SEMA6C: variants seen among roughly 807,000 people sequenced by gnomAD.
SEMA6C encodes the protein semaphorin-6C.
Under a neutral mutation model 72.9 loss-of-function variants are expected in SEMA6C, and 37 were observed. The observed-to-expected ratio is 0.51, with a 90% CI of 0.39 to 0.67. The LOEUF is 0.67. Ranked by LOEUF, SEMA6C falls within the 30% of genes least tolerant of loss-of-function variation. The pLI is 0.00. For missense variants in SEMA6C, 1,189 were observed against 1,263.6 expected, an observed-to-expected ratio of 0.94 and a Z score of 0.89; for synonymous variants, 578 against 554.1, an observed-to-expected ratio of 1.04 and a Z score of -0.61.
In SEMA6C at chr1:151,142,571, GAGCAGC is replaced by G; in HGVS notation, c.45_50del (p.Leu16_Leu17del). On this transcript the variant is annotated inframe_deletion, in exon 3 of 19. Coordinates refer to ENST00000368914, the MANE Select transcript of SEMA6C (RefSeq NM_030913.6). ...AGGCGGCCTGAGTATGGGGAAGTGA[GAGCAGC>G]AGCAGCAGTAGCAGCAAGGGCATGA... 1.9e-6 allele frequency: 3 copies of G among 1,609,040 alleles called. No individual in the cohort carries two copies. Among genetic ancestry groups the G allele is most frequent in the Non-Finnish European group, 8.5e-7 (1 of 1,177,316 alleles).
rs765022445 is a variant in SEMA6C at position 151,139,416 on chromosome 1, A to C, written c.354+9T>G. The stretch of plus-strand genomic sequence containing the variant: ...CTCCTTCCCTCCACATTCTCGTCTC[A>C]CTCCTTACCGTCAGCTTTCCCCGTA... On this transcript the variant is annotated intron_variant, in intron 6 of 18. Transcript: ENST00000368914. The C allele has an allele frequency of 4.3e-6, 7 of 1,612,334 alleles. No homozygotes were observed. The highest frequency in any genetic ancestry group is 5.9e-6 in the Non-Finnish European group (7 of 1,178,490).
chr1:151,135,132 C>T (rs1681910418), intron 15 of SEMA6C, 31 bp downstream of exon 15: 1 of 1,607,740 alleles, frequency 6.2e-7, no homozygotes, highest in East Asian at 2.2e-5. Context: ...GGAGCTTGCC[C>T]ACACAGGGCC....
chr1:151,133,062 G>A lies in SEMA6C; in HGVS notation c.2215C>T (p.His739Tyr), dbSNP rs766034148. The A allele has an allele frequency of 2.7e-6, 4 of 1,465,132 alleles. No homozygotes were observed. The East Asian group carries it at 8.7e-5, about 32-fold the overall frequency. The allele number at this position is 1,465,132 out of a possible 1,614,324, so 90.8% of individuals were successfully genotyped here. ...KEGPGRSRGG[H>Y]AAGGPAPRVL... Reference sequence around the variant, plus strand: ...CGGGGCGCGGGCCCGCCCGCCGCGTGCCCGCCCCGTGAGCGGCCCGGACCC... The same window carrying A: ...CGGGGCGCGGGCCCGCCCGCCGCGTACCCGCCCCGTGAGCGGCCCGGACCC... Residue 739 changes from histidine to tyrosine, a missense_variant, in exon 19 of 19, where the codon CAC (histidine) becomes TAC (tyrosine). Transcript: ENST00000368914. The surrounding 1 kb of genome is among the most constrained non-coding windows in gnomAD (Gnocchi z 5.9).
rs1681701339 is a variant in SEMA6C at position 151,133,086 on chromosome 1, C to G, written c.2191G>C (p.Gly731Arg). The change falls in exon 19 of 19, where the codon GGT (glycine) becomes CGT (arginine). Residue 731 changes from glycine (G) to arginine (R), a missense_variant. This residue lies in a region of SEMA6C where 721 missense variants were observed against 686.2 expected (regional missense o/e 1.05). Transcript: ENST00000368914. The surrounding 1 kb of genome is among the most constrained non-coding windows in gnomAD (Gnocchi z 5.9). ...WNQNRNNAKE[G>R]PGRSRGGHAA... The stretch of plus-strand genomic sequence containing the variant: ...TGCCCGCCCCGTGAGCGGCCCGGAC[C>G]CTCCTTGGCGTTGTTCCTGTTCTGG... The G allele has an allele frequency of 6.5e-7, 1 of 1,548,524 alleles. No homozygotes were observed. The highest frequency in any genetic ancestry group is 8.6e-7 in the Non-Finnish European group (1 of 1,159,622).
chr1:151,135,376 G>A, intron 14 of SEMA6C, 67 bp from the exon 15 acceptor site: 1 of 1,564,872 alleles, frequency 6.4e-7, no homozygotes, highest in Non-Finnish European at 8.6e-7. Flanking sequence ...GTGAGTGGAA[G>A]AACAGAAAGC....
At position 151,133,389 on chromosome 1, in the gene SEMA6C, G is replaced by T; in HGVS notation, c.1888C>A (p.Arg630Ser). The change falls in exon 19 of 19, where the codon CGC (arginine) becomes AGC (serine). Residue 630 changes from arginine (R) to serine (S), a missense_variant. Transcript: ENST00000368914. This position sits in a 1 kb window ranked among gnomAD's most constrained non-coding sequence, Gnocchi z 5.9. ...TTGCCCCGACGTCGGTGGGCGCGGC[G>T]ACAAGCACAGGAGACCAGGAGGCCA... ...VSGLLVSCAC[R>S]RAHRRRGKDI... The T allele has an allele frequency of 6.3e-7, 1 of 1,598,724 alleles. No homozygotes were observed. Among genetic ancestry groups the T allele is most frequent in the Non-Finnish European group, 8.5e-7 (1 of 1,175,304 alleles).
At position 151,146,630 on chromosome 1, in the gene SEMA6C, A is replaced by G. The variant is rs1682955560; in HGVS notation, c.-302T>C. The G allele has an allele frequency of 6.6e-6, 1 of 151,854 alleles. No homozygotes were observed. Among genetic ancestry groups the G allele is most frequent in the Non-Finnish European group, 1.5e-5 (1 of 67,966 alleles). The allele number at this position is 151,854 out of a possible 1,614,324, so 9.4% of individuals were successfully genotyped here. ...AGCCGCGGATCCGCGGAGGAAAACA[A>G]TGCGACCGCCCGGGGCTCTGGGCTC... On this transcript the variant is annotated 5_prime_UTR_variant, in exon 1 of 19. Transcript: ENST00000368914. The surrounding 1 kb of genome is among the most constrained non-coding windows in gnomAD (Gnocchi z 4.6).
intron 10 of SEMA6C, 75 bp downstream of exon 10, chr1:151,137,636 C>T (rs1682155655): frequency 5.8e-6 from 7 of 1,197,024 alleles, no homozygotes; most frequent in Admixed American, 1.9e-5. Flanking sequence ...GTCAGGAGAT[C>T]TCCTCCCACT....
chr1:151,132,642 G>C lies in SEMA6C; in HGVS notation c.2635C>G (p.Pro879Ala). Residue 879 changes from proline (P) to alanine (A), a missense_variant, in exon 19 of 19, where the codon CCC (proline) becomes GCC (alanine). Pro to Ala is a conservative substitution (Grantham distance 27). This residue lies in a region of SEMA6C where 721 missense variants were observed against 686.2 expected (regional missense o/e 1.05). Transcript: ENST00000368914. ...CCCAGGTACAGGAGGTGCTTCCCGG[G>C]ACCCCCGGAGTACCTGGAGGGACCT... ...SGGPSRYSGGPGKHLLYLGRP... is the reference protein window; with the variant it reads ...SGGPSRYSGGAGKHLLYLGRP... 6.4e-7 allele frequency: 1 copy of C among 1,550,462 alleles called. No homozygotes were observed. Among genetic ancestry groups the C allele is most frequent in the Non-Finnish European group, 8.7e-7 (1 of 1,146,876 alleles).
chr1:151,132,175 T>A lies in SEMA6C; in HGVS notation c.*309A>T. ...CGCGGCCCGCCCGGGGCACAGTCTC[T>A]GGGGGAGCCCCGAGGGGCGAGTTAA... On this transcript the variant is annotated 3_prime_UTR_variant, in exon 19 of 19. Coordinates refer to ENST00000368914, the MANE Select transcript of SEMA6C (RefSeq NM_030913.6). The A allele has an allele frequency of 7.0e-7, 1 of 1,425,052 alleles. No individual in the cohort carries two copies. The highest frequency in any genetic ancestry group is 9.3e-7 in the Non-Finnish European group (1 of 1,078,216). The allele number at this position is 1,425,052 out of a possible 1,614,324, so 88.3% of individuals were successfully genotyped here. A position where few individuals can be genotyped will look rare whatever the true frequency, so the allele number is the denominator to read the frequency against.
At chr1:151,140,882 C>T (rs1176957602) in intron 3 of SEMA6C, among the ~76,000 whole-genome samples, 1 of 152,004 alleles carries the variant, frequency 6.6e-6, no homozygotes, top group South Asian at 2.1e-4. Context: ...CCTGTAGTCC[C>T]AGCTACTCGG....
In SEMA6C at chr1:151,135,252, G is replaced by A; in HGVS notation, c.1491C>T (p.Asp497=). The change falls in exon 15 of 19, where the codon GAC becomes GAT. Residue 497 remains aspartate, a synonymous_variant. Transcript: ENST00000368914. ...CCACAAAAAGCCTGTGACCCTCAGT[G>A]TCCAGCTCCAGCCCTATGATCCGTC... is the stretch of plus-strand genomic sequence containing the variant. ...TARRIIGLEL[D]TEGHRLFVAF... is the part of the protein sequence containing the mutation. 1 of 1,614,250 alleles carries A rather than the reference G, an allele frequency of 6.2e-7. No homozygotes were observed. Among genetic ancestry groups the A allele is most frequent in the South Asian group, 1.1e-5 (1 of 91,088 alleles).
At chr1:151,143,787 C>T (rs777907784) in intron 2 of SEMA6C, among the ~76,000 whole-genome samples, 22 of 152,070 alleles carry the variant, frequency 1.4e-4, no homozygotes, top group Non-Finnish European at 2.8e-4. Context: ...GGGACTTGGT[C>T]GGCTCCAAAA....
At position 151,133,802 on chromosome 1, in the gene SEMA6C, G is replaced by C. The variant is rs1681787072; in HGVS notation, c.1760-285C>G. On this transcript the variant is annotated intron_variant, in intron 18 of 18. Transcript: ENST00000368914. This position sits in a 1 kb window ranked among gnomAD's most constrained non-coding sequence, Gnocchi z 5.9. ...CAAGAGCAACTGCCAAAAACTGCTCGTGCAGGAGAACTCGGGGCTGGGATG... is the reference window on the plus strand; with the variant it reads ...CAAGAGCAACTGCCAAAAACTGCTCCTGCAGGAGAACTCGGGGCTGGGATG... 6.6e-6 allele frequency among the ~76,000 whole-genome samples: 1 copy of C among 152,178 alleles called. No homozygotes were observed. The highest frequency in any genetic ancestry group is 6.5e-5 in the Admixed American group (1 of 15,278).
intron 12 of SEMA6C, 113 bp from the exon 13 acceptor site, chr1:151,136,276 C>CA (rs1475345787): frequency 1.3e-6 from 2 of 1,503,806 alleles, no homozygotes; most frequent in Non-Finnish European, 1.8e-6. Flanking sequence ...CCCCTCCACA[C>CA]AGACACTCGT....
At chr1:151,144,018 C>A (rs1375044111) in intron 2 of SEMA6C, among the ~76,000 whole-genome samples, 1 of 151,924 alleles carries the variant, frequency 6.6e-6, no homozygotes, top group African/African-American at 2.4e-5. Context: ...TCAGGTGGGG[C>A]CTCAAGAGAG....
Position 151,146,618 on chromosome 1 carries a change from C to CG in SEMA6C, c.-291dup, listed in dbSNP as rs1328028859. ...GGGTCCAAGTCCAGCCGCGGATCCG[C>CG]GGAGGAAAACAATGCGACCGCCCGG... On this transcript the variant is annotated 5_prime_UTR_variant, in exon 1 of 19. Coordinates refer to ENST00000368914, the MANE Select transcript of SEMA6C (RefSeq NM_030913.6). This position sits in a 1 kb window ranked among gnomAD's most constrained non-coding sequence, Gnocchi z 4.6. 1 of 152,234 alleles carries CG rather than the reference C, an allele frequency of 6.6e-6. No homozygotes were observed. The highest frequency in any genetic ancestry group is 1.5e-5 in the Non-Finnish European group (1 of 68,050). The allele number at this position is 152,234 out of a possible 1,614,324, so 9.4% of individuals were successfully genotyped here.
chr1:151,139,388 C>T lies in SEMA6C; in HGVS notation c.354+37G>A, dbSNP rs1447629713. 3 of 1,567,790 alleles carry T rather than the reference C, an allele frequency of 1.9e-6. No individual in the cohort carries two copies. The South Asian group carries it at 3.3e-5, about 17-fold the overall frequency. ...GGACAGAGACTGGGGGCAGAGTAAT[C>T]CTCTCCTTCCCTCCACATTCTCGTC... is the stretch of plus-strand genomic sequence containing the variant. On this transcript the variant is annotated intron_variant, in intron 6 of 18. Coordinates refer to ENST00000368914, the MANE Select transcript of SEMA6C (RefSeq NM_030913.6).
intron 1 of SEMA6C, among the ~76,000 whole-genome samples, chr1:151,144,795 A>G (rs587733398): frequency 2.0e-5 from 3 of 152,308 alleles, no homozygotes; most frequent in South Asian, 4.1e-4. Context: ...GCTAGGGACA[A>G]TAGAGGCTAA....
Sources: allele counts gnomAD v4.1 joint callset (sites outside exome capture counted in the v4.1 genomes callset), GRCh38; gene constraint gnomAD v4.1.1; regional missense constraint gnomAD v4.1.1; non-coding constraint Gnocchi (gnomAD v3.1); transcripts MANE v1.5; gene names NCBI Gene and HGNC (gene_info 2026-07-23, HGNC 2026-07-21).